Variants in FNTB observed in about 807,000 individuals in gnomAD.
FNTB encodes farnesyltransferase, CAAX box, subunit beta.
In FNTB, 27 loss-of-function variants were observed where a neutral mutation model predicts 59.4. The observed-to-expected ratio is 0.45, with a 90% confidence interval of 0.34 to 0.63. The LOEUF is 0.63. FNTB is among the 20% of genes least tolerant of loss of function. The pLI is 0.02. For missense variants in FNTB, 449 were observed against 559.6 expected (o/e 0.80, Z 1.99); for synonymous variants, 230 against 220.7 (o/e 1.04, Z -0.37).
At chr14:65,060,838 A>T (rs1595112049) in intron 11 of FNTB, among the ~76,000 whole-genome samples, 1 of 142,806 alleles carries the variant, frequency 7.0e-6, no homozygotes, top group Non-Finnish European at 1.5e-5. Flanking sequence ...GTGTCAATGC[A>T]CTCCAGCCTG....
At chr14:65,033,377 A>G (rs772956974) in intron 7 of FNTB, among the ~76,000 whole-genome samples, 6 of 152,264 alleles carry the variant, frequency 3.9e-5, no homozygotes, top group East Asian at 1.9e-4. Flanking sequence ...CAAATTTAGC[A>G]TAGTGATTCC....
chr14:64,996,135 AAAAAAG>A (rs1566861033), intron 1 of FNTB, among the ~76,000 whole-genome samples: 1 of 150,760 alleles, frequency 6.6e-6, no homozygotes. Flanking sequence ...AAAAAAAAAA[AAAAAAG>A]AAAAAAGAAA....
chr14:65,003,526 A>G (rs1033432872), intron 1 of FNTB: 1 of 152,164 alleles, frequency 6.6e-6, no homozygotes, highest in Non-Finnish European at 1.5e-5. Flanking sequence ...GTTAACATGT[A>G]TGCTTCATGT....
chr14:65,016,104 C>G (rs2061768405), intron 4 of FNTB, among the ~76,000 whole-genome samples: 1 of 152,184 alleles, frequency 6.6e-6, no homozygotes, highest in Non-Finnish European at 1.5e-5. Flanking sequence ...AATGCCTTTG[C>G]CTTTCCTACG....
At chr14:65,002,930 CAAA>C (rs1159890995) in intron 1 of FNTB, among the ~76,000 whole-genome samples, 1 of 152,116 alleles carries the variant, frequency 6.6e-6, no homozygotes, top group Non-Finnish European at 1.5e-5. Flanking sequence ...GATCCTTAAA[CAAA>C]AGTCTTATGA....
chr14:65,026,465 G>A (rs1042783165), intron 4 of FNTB, among the ~76,000 whole-genome samples: 7 of 152,166 alleles, frequency 4.6e-5, no homozygotes, highest in Non-Finnish European at 2.9e-5. Context: ...TTCTCACGGC[G>A]AGTCAGTGCA....
intron 7 of FNTB, among the ~76,000 whole-genome samples, chr14:65,033,679 C>A (rs4605081): frequency 0.57 from 85,991 of 151,912 alleles, 25,004 homozygotes; most frequent in African/African-American, 0.69. Flanking sequence ...AACATGGTGA[C>A]ACCCCGTCTC....
chr14:65,006,633 C>T (rs954262227), intron 2 of FNTB, among the ~76,000 whole-genome samples: 2 of 152,286 alleles, frequency 1.3e-5, no homozygotes, highest in East Asian at 1.9e-4. Flanking sequence ...CTCACCCGAT[C>T]GGGCTGAGTC....
intron 7 of FNTB, among the ~76,000 whole-genome samples, chr14:65,038,281 G>A (rs749910237): frequency 6.6e-6 from 1 of 151,682 alleles, no homozygotes; most frequent in Non-Finnish European, 1.5e-5. Context: ...GTGGTGGTGG[G>A]TACCTGTAAT....
chr14:65,025,557 G>A (rs2061963831), intron 4 of FNTB, among the ~76,000 whole-genome samples: 1 of 152,220 alleles, frequency 6.6e-6, no homozygotes, highest in South Asian at 2.1e-4. Flanking sequence ...GCTCACACCT[G>A]TGACCTCAGC....
intron 3 of FNTB, chr14:65,015,401 C>G: frequency 2.4e-6 from 1 of 410,804 alleles, no homozygotes; most frequent in Non-Finnish European, 4.4e-6. Context: ...CCGCGCCCAG[C>G]CTTGTTATCT....
rs1302380938 is a variant in FNTB, at chr14:65,062,102, A to T, written c.*790A>T. 6.6e-6 allele frequency: 1 copy of T among 152,330 alleles called. No homozygotes were observed. Among genetic ancestry groups the T allele is most frequent in the Non-Finnish European group, 1.5e-5 (1 of 68,098 alleles). The allele number at this position is 152,330 out of a possible 1,614,324, so 9.4% of individuals were successfully genotyped here. A position where few individuals can be genotyped will look rare whatever the true frequency, so the allele number is the denominator to read the frequency against. On this transcript the variant is annotated 3_prime_UTR_variant, in exon 12 of 12. Coordinates refer to ENST00000246166, the MANE Select transcript of FNTB (RefSeq NM_002028.4). This position sits in a 1 kb window ranked among gnomAD's most constrained non-coding sequence, Gnocchi z 4.3. ...CCTGCCTCACTCCTCCCTATCATGTACCGTGAAAACCCCCTCTGATGGCCT... is the reference window on the plus strand; with the variant it reads ...CCTGCCTCACTCCTCCCTATCATGTTCCGTGAAAACCCCCTCTGATGGCCT...
rs924142051 is a variant in FNTB at position 65,054,640 on chromosome 14, G to A, written c.1133G>A (p.Ser378Asn). 1.2e-6 allele frequency: 2 copies of A among 1,613,628 alleles called. No individual in the cohort carries two copies. Among genetic ancestry groups the A allele is most frequent in the East Asian group, 2.2e-5 (1 of 44,840 alleles). Residue 378 changes from serine to asparagine, a missense_variant, in exon 11 of 12, where the codon AGC (serine) becomes AAC (asparagine). Coordinates refer to ENST00000246166, the MANE Select transcript of FNTB (RefSeq NM_002028.4). The surrounding 1 kb of genome is among the most constrained non-coding windows in gnomAD (Gnocchi z 4.4). ...CTGTCCATAGCCCAGCACTTCGGCAGCGGAGCCATGTTGCATGATGTGGTC... is the reference window on the plus strand; with the variant it reads ...CTGTCCATAGCCCAGCACTTCGGCAACGGAGCCATGTTGCATGATGTGGTC... ...SGLSIAQHFG[S>N]GAMLHDVVLG...
chr14:65,021,518 G>A (rs2061885908), intron 4 of FNTB, among the ~76,000 whole-genome samples: 1 of 152,140 alleles, frequency 6.6e-6, no homozygotes, highest in African/African-American at 2.4e-5. Flanking sequence ...CATTTTTCCT[G>A]GCCAGGTGCT....
chr14:64,997,747 T>C lies in FNTB; in HGVS notation c.145-6502T>C, dbSNP rs982994950. ...CAGTAAACAAGGATAAGGTTTGTTATGCAGGTTTAGGCAGGTGCCTTCTCC... is the reference window on the plus strand; with the variant it reads ...CAGTAAACAAGGATAAGGTTTGTTACGCAGGTTTAGGCAGGTGCCTTCTCC... On this transcript the variant is annotated intron_variant, in intron 1 of 11. Coordinates refer to ENST00000246166, the MANE Select transcript of FNTB (RefSeq NM_002028.4). The surrounding 1 kb of genome is among the most constrained non-coding windows in gnomAD (Gnocchi z 4.5). Among the ~76,000 whole-genome samples the C allele has an allele frequency of 1.3e-5, 2 of 152,244 alleles. No homozygotes were observed. Among genetic ancestry groups the C allele is most frequent in the Non-Finnish European group, 2.9e-5 (2 of 68,046 alleles).
At position 64,990,282 on chromosome 14, in the gene FNTB, G is replaced by T. The variant is rs1478809845; in HGVS notation, c.144+3185G>T. 6.6e-6 allele frequency among the ~76,000 whole-genome samples: 1 copy of T among 152,218 alleles called. No individual in the cohort carries two copies. Among genetic ancestry groups the T allele is most frequent in the Non-Finnish European group, 1.5e-5 (1 of 68,036 alleles). ...TGGCCCTTTTCTAGCCTGCTCTGTA[G>T]ATGTGCCCCAGGAGGGGGCCCTGCA... is the stretch of plus-strand genomic sequence containing the variant. On this transcript the variant is annotated intron_variant, in intron 1 of 11. Coordinates refer to ENST00000246166, the MANE Select transcript of FNTB (RefSeq NM_002028.4). This position sits in a 1 kb window ranked among gnomAD's most constrained non-coding sequence, Gnocchi z 5.2.
intron 4 of FNTB, among the ~76,000 whole-genome samples, chr14:65,025,950 A>C (rs1265435795): frequency 6.6e-6 from 1 of 152,266 alleles, no homozygotes; most frequent in Admixed American, 6.5e-5. Flanking sequence ...CAGAACTCAC[A>C]GAGCAAGGCA....
chr14:65,004,312 A>G lies in FNTB; in HGVS notation c.208A>G (p.Arg70Gly), dbSNP rs2061549144. 5 of 1,612,550 alleles carry G rather than the reference A, an allele frequency of 3.1e-6. No individual in the cohort carries two copies. In the South Asian group the frequency reaches 5.5e-5, roughly 18 times the overall value. The part of the protein sequence containing the change: ...SSYKFNHLVP[R>G]LVLQREKHFH... ...TTACAAGTTCAACCACCTTGTACCA[A>G]GGTAAGCTGTGGTTAGGAGTTTGAG... The change falls in exon 2 of 12, where the codon AGG (arginine) becomes GGG (glycine). Residue 70 changes from arginine (R) to glycine (G), a missense_variant and splice_region_variant. Physicochemically the swap from Arg to Gly is moderately radical, Grantham distance 125. Transcript: ENST00000246166.
chr14:65,022,940 G>C lies in FNTB; in HGVS notation c.375-4513G>C, dbSNP rs187365831. Among the ~76,000 whole-genome samples, 288 of 152,000 alleles carry C rather than the reference G, an allele frequency of 1.9e-3. 1 individual carries two copies. The highest frequency in any genetic ancestry group is 8.3e-3 in the South Asian group (40 of 4,806). ...GTAATTCTTGCTATTTGTACCTGTT[G>C]CATTTGTTTTATTCTTATTGGTTTC... On this transcript the variant is annotated intron_variant, in intron 4 of 11. Coordinates refer to ENST00000246166, the MANE Select transcript of FNTB (RefSeq NM_002028.4).
Sources: gnomAD v4.1 joint callset for allele counts (sites outside exome capture counted in the v4.1 genomes callset) on GRCh38, gnomAD v4.1.1 for gene constraint, Gnocchi (gnomAD v3.1) non-coding constraint, MANE v1.5 for transcripts, NCBI Gene and HGNC (gene_info 2026-07-23, HGNC 2026-07-21) for gene names.